DMD: variants seen among roughly 807,000 people sequenced by gnomAD.
DMD encodes mutant dystrophin.
Under a neutral mutation model 330.1 loss-of-function variants are expected in DMD, and 63 were observed. That is an observed-to-expected ratio of 0.19 (90% CI 0.16 to 0.24). The LOEUF is 0.24. DMD is among the 10% of genes least tolerant of loss of function. DMD has a pLI of 1.00. For synonymous variants in DMD, 1,223 were observed against 959.8 expected, an observed-to-expected ratio of 1.27 and a Z score of -5.07; for missense variants, 3,344 against 2,684.1, an observed-to-expected ratio of 1.25 and a Z score of -5.43.
intron 62 of DMD, among the ~76,000 whole-genome samples, chrX:31,300,415 G>A (rs1458947043): frequency 8.9e-6 from 1 of 111,950 alleles, no homozygotes; most frequent in Admixed American, 9.5e-5. Context: ...TAATATTATA[G>A]GGTCTGTAGA....
chrX:32,686,080 G>A (rs1232133040), intron 9 of DMD, among the ~76,000 whole-genome samples: 1 of 111,602 alleles, frequency 9.0e-6, no homozygotes, highest in African/African-American at 3.3e-5. Flanking sequence ...TGACATAATA[G>A]GAGGCTCTGT....
At chrX:32,753,060 T>A (rs1278591617) in intron 7 of DMD, among the ~76,000 whole-genome samples, 2 of 111,116 alleles carry the variant, frequency 1.8e-5, no homozygotes, top group Non-Finnish European at 3.8e-5. Context: ...TTAGAACACC[T>A]TTCCATCCCC....
intron 9 of DMD, among the ~76,000 whole-genome samples, chrX:32,651,851 C>T (rs1450128298): frequency 4.5e-5 from 5 of 112,067 alleles, no homozygotes; most frequent in African/African-American, 9.7e-5. Flanking sequence ...AGAAGCTGAG[C>T]AAAAAATAAA....
At chrX:32,578,756 G>C in intron 13 of DMD, among the ~76,000 whole-genome samples, 1 of 111,529 alleles carries the variant, frequency 9.0e-6, no homozygotes, top group East Asian at 2.8e-4. Flanking sequence ...TTAAGAGATA[G>C]AGTGTTCCCA....
chrX:32,719,716 G>A (rs1357387912), intron 7 of DMD, among the ~76,000 whole-genome samples: 2 of 110,861 alleles, frequency 1.8e-5, no homozygotes, highest in East Asian at 5.6e-4. Flanking sequence ...TGCTTGGAAT[G>A]CCTGATACTT....
At chrX:33,315,603 C>T (rs977107019) in intron 1 of DMD, among the ~76,000 whole-genome samples, 1 of 112,421 alleles carries the variant, frequency 8.9e-6, no homozygotes, top group Non-Finnish European at 1.9e-5. Flanking sequence ...CTGGTCTTTC[C>T]TGAACCCGGT....
chrX:32,532,146 A>C (rs1464689729), intron 17 of DMD, among the ~76,000 whole-genome samples: 1 of 111,517 alleles, frequency 9.0e-6, no homozygotes, highest in Non-Finnish European at 1.9e-5. Flanking sequence ...TTGGAAAAAA[A>C]AGTTCAATTA....
At chrX:31,530,997 A>G (rs1439191507) in intron 55 of DMD, among the ~76,000 whole-genome samples, 1 of 95,931 alleles carries the variant, frequency 1.0e-5, no homozygotes, top group Non-Finnish European at 2.0e-5. Flanking sequence ...CCTACAACGG[A>G]CATGAACTCA....
chrX:32,117,001 C>G (rs945755986), intron 44 of DMD, among the ~76,000 whole-genome samples: 4 of 111,641 alleles, frequency 3.6e-5, no homozygotes, highest in Non-Finnish European at 5.6e-5. Flanking sequence ...TTGCAGCCCC[C>G]CAAGTAATGA....
At chrX:32,919,857 G>A (rs111777932) in intron 2 of DMD, among the ~76,000 whole-genome samples, 158 of 111,392 alleles carry the variant, frequency 1.4e-3, no homozygotes, top group African/African-American at 4.7e-3. Flanking sequence ...GGGCTTTAAG[G>A]AAACTAAATC....
intron 43 of DMD, among the ~76,000 whole-genome samples, chrX:32,265,272 C>G (rs967961814): frequency 1.8e-5 from 2 of 112,631 alleles, no homozygotes; most frequent in Non-Finnish European, 3.8e-5. Context: ...CCCATGGCTA[C>G]AGAGGGTGCA....
At chrX:31,821,261 T>C (rs1050180722) in intron 49 of DMD, among the ~76,000 whole-genome samples, 5 of 112,844 alleles carry the variant, frequency 4.4e-5, no homozygotes, top group African/African-American at 1.3e-4. Flanking sequence ...AATTGCTGCA[T>C]GGTAGCCCCG....
At chrX:33,078,989 A>C (rs967301069) in intron 1 of DMD, among the ~76,000 whole-genome samples, 7 of 111,603 alleles carry the variant, frequency 6.3e-5, no homozygotes, top group Non-Finnish European at 1.1e-4. Context: ...ATTAATCAGA[A>C]ACCTGCATTT....
chrX:31,933,461 G>A (rs1047361428), intron 45 of DMD, among the ~76,000 whole-genome samples: 1 of 110,862 alleles, frequency 9.0e-6, no homozygotes, highest in African/African-American at 3.3e-5. Flanking sequence ...TTACATATTC[G>A]ATTGTAAGAC....
At chrX:32,639,424 C>A (rs780140514) in intron 11 of DMD, among the ~76,000 whole-genome samples, 77 of 111,645 alleles carry the variant, frequency 6.9e-4, no homozygotes, top group South Asian at 1.1e-3. Flanking sequence ...TCTAACAAAA[C>A]CACATCAATA....
intron 47 of DMD, among the ~76,000 whole-genome samples, chrX:31,920,618 T>C (rs2094677743): frequency 1.8e-5 from 2 of 112,324 alleles, no homozygotes; most frequent in Admixed American, 9.4e-5. Flanking sequence ...GCAAACACCT[T>C]TGTGCTAATA....
chrX:32,118,480 C>A (rs751310908), intron 44 of DMD, among the ~76,000 whole-genome samples: 5 of 110,696 alleles, frequency 4.5e-5, no homozygotes, highest in African/African-American at 1.6e-4. Context: ...AACTTCTCCC[C>A]CTCTATGTGG....
intron 7 of DMD, among the ~76,000 whole-genome samples, chrX:32,780,944 TA>T (rs1308159398): frequency 6.2e-4 from 62 of 100,274 alleles, no homozygotes; most frequent in South Asian, 8.7e-4. Flanking sequence ...AAAAAAAAAA[TA>T]AAAAAAAATA....
At chrX:33,136,188 C>T (rs1167088134) in intron 1 of DMD, among the ~76,000 whole-genome samples, 1 of 97,954 alleles carries the variant, frequency 1.0e-5, no homozygotes, top group Non-Finnish European at 2.0e-5. Context: ...GGCGTGGTGG[C>T]ACGCACCTGT....
Sources: gnomAD v4.1 joint callset for allele counts (sites outside exome capture counted in the v4.1 genomes callset) on GRCh38, gnomAD v4.1.1 for gene constraint, MANE v1.5 for transcripts, NCBI Gene and HGNC (gene_info 2026-07-23, HGNC 2026-07-21) for gene names.